GNPDA2: variants seen among roughly 807,000 people sequenced by gnomAD.
GNPDA2 encodes glcN6P deaminase 2.
In GNPDA2, 24 loss-of-function variants were observed where a neutral mutation model predicts 27.0. The observed-to-expected ratio is 0.89, with a 90% CI of 0.64 to 1.25. The LOEUF (loss-of-function observed/expected upper bound fraction) is 1.25. Among genes scored for constraint, GNPDA2 ranks in the 50% most tolerant of loss-of-function variants. GNPDA2 has a pLI of 0.00. For missense variants in GNPDA2, 286 were observed against 335.1 expected (o/e 0.85, Z 1.14); for synonymous variants, 94 against 108.4 (o/e 0.87, Z 0.83).
intron 2 of GNPDA2, among the ~76,000 whole-genome samples, chr4:44,719,806 G>A (rs2109718508): frequency 6.6e-6 from 1 of 151,752 alleles, no homozygotes; most frequent in Admixed American, 6.6e-5. Context: ...AAAAAGAACT[G>A]GTTAAAGAAA....
chr4:44,702,891 G>A lies in GNPDA2; in HGVS notation c.*190C>T. 1 of 1,409,204 alleles carries A rather than the reference G, an allele frequency of 7.1e-7. No homozygotes were observed. The allele number at this position is 1,409,204 out of a possible 1,614,324, so 87.3% of individuals were successfully genotyped here. On this transcript the variant is annotated 3_prime_UTR_variant, in exon 7 of 7. Coordinates refer to ENST00000295448, the MANE Select transcript of GNPDA2 (RefSeq NM_138335.3). ...AATAGCCAGTCAATCTTGAGAGCCA[G>A]CTACTTCTCTTAAACCCAAGTACAA...
At chr4:44,722,006 T>C (rs1717701191) in intron 2 of GNPDA2, 78 bp downstream of exon 2, 1 of 1,147,254 alleles carries the variant, frequency 8.7e-7, no homozygotes, top group African/African-American at 1.6e-5. Flanking sequence ...GGAAAGTATC[T>C]TAAAAGAAAC....
In GNPDA2 at chr4:44,704,095, G is replaced by A. The variant is rs921466778; in HGVS notation, c.770-953C>T. 9 of 984,928 alleles carry A rather than the reference G, an allele frequency of 9.1e-6. No individual in the cohort carries two copies. In the African/African-American group the frequency reaches 1.4e-4, roughly 15 times the overall value. The allele number at this position is 984,928 out of a possible 1,614,324, so 61.0% of individuals were successfully genotyped here. A position where few individuals can be genotyped will look rare whatever the true frequency, so the allele number is the denominator to read the frequency against. The stretch of plus-strand genomic sequence containing the variant: ...AAAAGGACTCTAAAATCCCAGCTTT[G>A]AGAAAGACCCACTTTTAAGGGACAA... On this transcript the variant is annotated intron_variant, in intron 6 of 6. Coordinates refer to ENST00000295448, the MANE Select transcript of GNPDA2 (RefSeq NM_138335.3).
In GNPDA2 at chr4:44,701,946, AG is replaced by A. The variant is rs1363728082; in HGVS notation, c.*1134del. 3.0e-6 allele frequency: 3 copies of A among 984,760 alleles called. No individual in the cohort carries two copies. In the African/African-American group the frequency reaches 5.2e-5, roughly 17 times the overall value. The allele number at this position is 984,760 out of a possible 1,614,324, so 61.0% of individuals were successfully genotyped here. ...AATCACATAGACAAGCAGATAAGTA[AG>A]GCTTCTTCTACCAGGTGGGCTTATG... On this transcript the variant is annotated 3_prime_UTR_variant, in exon 7 of 7. Transcript: ENST00000295448.
intron 1 of GNPDA2, among the ~76,000 whole-genome samples, chr4:44,722,581 CT>C (rs564953654): frequency 4.0e-5 from 6 of 151,828 alleles, no homozygotes; most frequent in African/African-American, 9.7e-5. Flanking sequence ...CAGGTACAGA[CT>C]TTTTTTTGTC....
At chr4:44,716,255 A>G (rs1161011463) in intron 4 of GNPDA2, among the ~76,000 whole-genome samples, 4 of 151,940 alleles carry the variant, frequency 2.6e-5, no homozygotes, top group Non-Finnish European at 4.4e-5. Flanking sequence ...AATTAACCTC[A>G]GGACAGCTCT....
At chr4:44,709,800 C>CA (rs36001584) in intron 5 of GNPDA2, among the ~76,000 whole-genome samples, 15,033 of 145,316 alleles carry the variant, frequency 0.1, 875 homozygotes, top group East Asian at 0.26. Context: ...TTGTCACTTC[C>CA]AAAAAAAAAA....
intron 3 of GNPDA2, 108 bp from the exon 4 acceptor site, chr4:44,717,403 T>C: frequency 1.7e-6 from 1 of 573,500 alleles, no homozygotes; most frequent in Non-Finnish European, 2.9e-6. Flanking sequence ...CTCTATACCA[T>C]ATTCAATTTA....
At position 44,703,039 on chromosome 4, in the gene GNPDA2, A is replaced by G. The variant is rs374238771; in HGVS notation, c.*42T>C. On this transcript the variant is annotated 3_prime_UTR_variant, in exon 7 of 7. Coordinates refer to ENST00000295448, the MANE Select transcript of GNPDA2 (RefSeq NM_138335.3). ...GAAAATTCATCTACTACTTAGTAAA[A>G]AGTGCTCTGTTCATTCAAGCTGAAT... 6.2e-7 allele frequency: 1 copy of G among 1,605,992 alleles called. No individual in the cohort carries two copies. The highest frequency in any genetic ancestry group is 8.5e-7 in the Non-Finnish European group (1 of 1,177,602).
In GNPDA2 at chr4:44,722,302, C is replaced by T. The variant is rs1717723107; in HGVS notation, c.-35-60G>A. 6.2e-6 allele frequency: 8 copies of T among 1,282,110 alleles called. No individual in the cohort carries two copies. In the South Asian group the frequency reaches 1.2e-4, roughly 20 times the overall value. The allele number at this position is 1,282,110 out of a possible 1,614,324, so 79.4% of individuals were successfully genotyped here. A position where few individuals can be genotyped will look rare whatever the true frequency, so the allele number is the denominator to read the frequency against. ...TAAACAGATAATTTAAATTCAGTAA[C>T]TTTTTAAAAGATGTAAATAATAAAT... On this transcript the variant is annotated intron_variant, in intron 1 of 6. Transcript: ENST00000295448.
chr4:44,708,628 G>GA (rs1421983692), intron 5 of GNPDA2, among the ~76,000 whole-genome samples: 11 of 152,102 alleles, frequency 7.2e-5, no homozygotes, highest in Non-Finnish European at 1.6e-4. Flanking sequence ...TTGCAAATGT[G>GA]AATGTGTATG....
Position 44,718,397 on chromosome 4 carries a change from TA to T in GNPDA2, c.137del (p.Leu46Ter). On this transcript the variant is annotated frameshift_variant, in exon 3 of 7. Transcript: ENST00000295448. LOFTEE classifies it high-confidence loss of function. ...ATTCTATTAGTTTTTTATAGCATCCTAAAGGTGTACTCCCTAAAAGACATAA... is the reference window on the plus strand; with the variant it reads ...ATTCTATTAGTTTTTTATAGCATCCTAAGGTGTACTCCCTAAAAGACATAA... Reference protein sequence around the residue: ...TLGLPTGSTPLGCYKKLIEYH... With the variant: ...TLGLPTGSTPXGCYKKLIEYH... The T allele has an allele frequency of 7.7e-7, 1 of 1,306,714 alleles. No individual in the cohort carries two copies. Among genetic ancestry groups the T allele is most frequent in the Non-Finnish European group, 1.1e-6 (1 of 945,910 alleles). The allele number at this position is 1,306,714 out of a possible 1,614,324, so 80.9% of individuals were successfully genotyped here. A position where few individuals can be genotyped will look rare whatever the true frequency, so the allele number is the denominator to read the frequency against.
At position 44,702,605 on chromosome 4, in the gene GNPDA2, A is replaced by G; in HGVS notation, c.*476T>C. ...TAGATGGTGCTGTAGGAAGATGACT[A>G]AGGCAACCACGTGCAGAAAAGCATG... On this transcript the variant is annotated 3_prime_UTR_variant, in exon 7 of 7. Coordinates refer to ENST00000295448, the MANE Select transcript of GNPDA2 (RefSeq NM_138335.3). 3 of 1,000,722 alleles carry G rather than the reference A, an allele frequency of 3.0e-6. No homozygotes were observed. The highest frequency in any genetic ancestry group is 3.6e-6 in the Non-Finnish European group (3 of 840,694). 62.0% of individuals were successfully genotyped at this position (1,000,722 alleles called of 1,614,324 possible).
chr4:44,722,277 TAAAC>T, intron 1 of GNPDA2, 35 bp from the exon 2 acceptor site: 1 of 1,483,728 alleles, frequency 6.7e-7, no homozygotes, highest in Non-Finnish European at 9.1e-7. Flanking sequence ...CTTTACATAA[TAAAC>T]AGATAATTTA....
At chr4:44,704,965 A>T (rs1407923254) in intron 6 of GNPDA2, 1 of 984,134 alleles carries the variant, frequency 1.0e-6, no homozygotes, top group Non-Finnish European at 1.2e-6. Context: ...CACGTACTAA[A>T]CTTGTTGTCT....
At chr4:44,713,936 A>C (rs1426597616) in intron 4 of GNPDA2, among the ~76,000 whole-genome samples, 1 of 152,168 alleles carries the variant, frequency 6.6e-6, no homozygotes, top group Non-Finnish European at 1.5e-5. Context: ...AAGTTTATAT[A>C]TTTAGATTTT....
intron 4 of GNPDA2, chr4:44,714,252 G>C: frequency 1.0e-6 from 1 of 966,140 alleles, no homozygotes; most frequent in Non-Finnish European, 1.2e-6. Context: ...TGGGATTATA[G>C]GTGTGAGCCA....
At chr4:44,725,599 A>G (rs1160124059) in intron 1 of GNPDA2, among the ~76,000 whole-genome samples, 1 of 151,730 alleles carries the variant, frequency 6.6e-6, no homozygotes. Context: ...GTTTTCTTAA[A>G]CTCTCTGGAG....
At chr4:44,703,193 C>A (rs1000490653) in intron 6 of GNPDA2, 51 bp from the exon 7 acceptor site, 1 of 1,576,690 alleles carries the variant, frequency 6.3e-7, no homozygotes. Context: ...TTTGAACTAT[C>A]TCATTTACTT....
Sources: gnomAD v4.1 joint callset for allele counts (sites outside exome capture counted in the v4.1 genomes callset) on GRCh38, gnomAD v4.1.1 for gene constraint, MANE v1.5 for transcripts, NCBI Gene and HGNC (gene_info 2026-07-23, HGNC 2026-07-21) for gene names.